NPAS3: variants seen among roughly 807,000 people sequenced by gnomAD.
NPAS3 encodes neuronal PAS domain protein 3, also known as neuronal PAS domain-containing protein 3.
A neutral mutation model predicts 73.1 loss-of-function variants in NPAS3; 14 were observed. That is an observed-to-expected ratio of 0.19 (90% CI 0.13 to 0.30). NPAS3 has a LOEUF of 0.30. Among genes scored for constraint, NPAS3 ranks in the 10% least tolerant of loss-of-function variants. The pLI is 1.00. For synonymous variants in NPAS3, 620 were observed against 541.5 expected, an observed-to-expected ratio of 1.14 and a Z score of -2.01; for missense variants, 1,096 against 1,250.0, an observed-to-expected ratio of 0.88 and a Z score of 1.86.
At chr14:33,617,524 C>CTGTA (rs2057956059) in intron 5 of NPAS3, among the ~76,000 whole-genome samples, 1 of 152,294 alleles carries the variant, frequency 6.6e-6, no homozygotes, top group Admixed American at 6.5e-5. Flanking sequence ...CATTCACCAC[C>CTGTA]TGTAACCTTT....
intron 3 of NPAS3, among the ~76,000 whole-genome samples, chr14:33,223,466 T>C (rs908015063): frequency 6.6e-6 from 1 of 152,204 alleles, no homozygotes; most frequent in Non-Finnish European, 1.5e-5. Flanking sequence ...GAGAAATGAA[T>C]GTGCAATACA....
At chr14:33,727,456 C>T (rs375636094) in intron 6 of NPAS3, among the ~76,000 whole-genome samples, 1 of 151,974 alleles carries the variant, frequency 6.6e-6, no homozygotes, top group Admixed American at 6.6e-5. Context: ...GTTAGCTATT[C>T]GGTTCTATCA....
chr14:33,270,718 T>A (rs976666830), intron 3 of NPAS3, among the ~76,000 whole-genome samples: 6 of 152,224 alleles, frequency 3.9e-5, no homozygotes, highest in African/African-American at 1.4e-4. Context: ...TTTTGTTTTT[T>A]AAAATAACTT....
chr14:33,169,208 A>C (rs1004588832), intron 2 of NPAS3, among the ~76,000 whole-genome samples: 17 of 152,148 alleles, frequency 1.1e-4, no homozygotes, highest in South Asian at 8.3e-4. Context: ...CATGTGGCTG[A>C]GTATCTCATC....
At position 33,360,470 on chromosome 14, in the gene NPAS3, A is replaced by G. The variant is rs894082569; in HGVS notation, c.386-6716A>G. ...TTACCTTTTATTTATTTTGTAAAGA[A>G]AAAGAGGAAATTCTCATTTCTTTCA... is the stretch of plus-strand genomic sequence containing the variant. On this transcript the variant is annotated intron_variant, in intron 3 of 11. Coordinates refer to ENST00000356141, the Ensembl canonical transcript of NPAS3. 6.6e-5 allele frequency among the ~76,000 whole-genome samples: 10 copies of G among 152,342 alleles called. No homozygotes were observed. The East Asian group carries it at 1.9e-3, about 29-fold the overall frequency.
intron 1 of NPAS3, among the ~76,000 whole-genome samples, chr14:33,018,515 A>C (rs1194746468): frequency 1.3e-5 from 2 of 152,144 alleles, no homozygotes; most frequent in African/African-American, 4.8e-5. Context: ...TAAATCTAAA[A>C]ATTTATCATT....
chr14:33,093,483 C>G (rs185390977), intron 2 of NPAS3, among the ~76,000 whole-genome samples: 70 of 152,168 alleles, frequency 4.6e-4, no homozygotes, highest in Admixed American at 1.6e-3. Context: ...GTGCTGGAGA[C>G]GATGTGGAGA....
chr14:33,290,664 G>A (rs2042062724), intron 3 of NPAS3, among the ~76,000 whole-genome samples: 1 of 152,176 alleles, frequency 6.6e-6, no homozygotes, highest in South Asian at 2.1e-4. Context: ...GCTCTACCGT[G>A]CACACTAAAA....
At chr14:33,781,185 T>C (rs2062968995) in intron 9 of NPAS3, among the ~76,000 whole-genome samples, 1 of 152,198 alleles carries the variant, frequency 6.6e-6, no homozygotes, top group Middle Eastern at 3.2e-3. Context: ...CAGATTGAAA[T>C]TTCAGCGTTC....
chr14:33,451,238 C>G (rs981826249), intron 4 of NPAS3, among the ~76,000 whole-genome samples: 1 of 152,186 alleles, frequency 6.6e-6, no homozygotes, highest in African/African-American at 2.4e-5. Context: ...CTTATTTGCT[C>G]TGCCTGCCCC....
intron 3 of NPAS3, among the ~76,000 whole-genome samples, chr14:33,355,853 C>T (rs1391770111): frequency 1.3e-5 from 2 of 151,870 alleles, no homozygotes; most frequent in Non-Finnish European, 2.9e-5. Flanking sequence ...TTTCCCTTCC[C>T]CTTTTAAAAA....
chr14:33,695,421 G>A (rs1322693495), intron 6 of NPAS3, among the ~76,000 whole-genome samples: 1 of 152,108 alleles, frequency 6.6e-6, no homozygotes, highest in Admixed American at 6.5e-5. Flanking sequence ...AACAGAAAAA[G>A]GTGGTCTCAG....
At chr14:32,980,667 C>T (rs1220950735) in intron 1 of NPAS3, among the ~76,000 whole-genome samples, 1 of 152,054 alleles carries the variant, frequency 6.6e-6, no homozygotes, top group African/African-American at 2.4e-5. Context: ...CATCAAGGAC[C>T]TCTGAGTCCA....
chr14:33,402,128 T>C (rs1224465730), intron 4 of NPAS3, among the ~76,000 whole-genome samples: 2 of 152,110 alleles, frequency 1.3e-5, no homozygotes, highest in Non-Finnish European at 2.9e-5. Flanking sequence ...AAAGTCCTTC[T>C]ATGGGTCTGA....
chr14:33,317,531 G>C (rs2043256035), intron 3 of NPAS3, among the ~76,000 whole-genome samples: 1 of 152,072 alleles, frequency 6.6e-6, no homozygotes, highest in Non-Finnish European at 1.5e-5. Flanking sequence ...TGTTGTGGGA[G>C]GGACCTGGTG....
chr14:33,193,786 A>C (rs1311194568), intron 2 of NPAS3, among the ~76,000 whole-genome samples: 1 of 152,154 alleles, frequency 6.6e-6, no homozygotes, highest in East Asian at 1.9e-4. Flanking sequence ...GATTAACATG[A>C]GTATTTTCTT....
intron 1 of NPAS3, among the ~76,000 whole-genome samples, chr14:33,035,998 CTA>C (rs2040155063): frequency 1.3e-5 from 2 of 152,158 alleles, no homozygotes; most frequent in Non-Finnish European, 2.9e-5. Flanking sequence ...TGAAACTGCC[CTA>C]GAAGCCACAT....
At chr14:33,377,253 AAG>A (rs1181831496) in intron 4 of NPAS3, among the ~76,000 whole-genome samples, 1 of 152,188 alleles carries the variant, frequency 6.6e-6, no homozygotes. Flanking sequence ...GAAACTGAAA[AAG>A]AGAGAGTTTA....
At chr14:33,670,632 A>G (rs1231114754) in intron 5 of NPAS3, among the ~76,000 whole-genome samples, 1 of 151,970 alleles carries the variant, frequency 6.6e-6, no homozygotes, top group Non-Finnish European at 1.5e-5. Flanking sequence ...CTCAAAAAAA[A>G]AAAAAACTAC....
Sources: allele counts gnomAD v4.1 joint callset (sites outside exome capture counted in the v4.1 genomes callset), GRCh38; gene constraint gnomAD v4.1.1; transcripts MANE v1.5; gene names NCBI Gene and HGNC (gene_info 2026-07-23, HGNC 2026-07-21).